NLGN1: variants seen among roughly 807,000 people sequenced by gnomAD.
The protein encoded by NLGN1 is neuroligin 1, also known as neuroligin-1.
In NLGN1, 12 loss-of-function variants were observed where a neutral mutation model predicts 65.5. The ratio of observed to expected loss-of-function variants is 0.18; its 90% CI spans 0.12 to 0.30. The LOEUF (loss-of-function observed/expected upper bound fraction) is 0.30. Among genes scored for constraint, NLGN1 ranks in the 10% least tolerant of loss-of-function variants. The pLI is 1.00. For synonymous variants in NLGN1, 350 were observed against 359.5 expected (o/e 0.97, Z 0.30); for missense variants, 750 against 1,007.1 (o/e 0.74, Z 3.46).
chr3:173,884,052 C>CT (rs567621411), intron 4 of NLGN1, among the ~76,000 whole-genome samples: 24 of 145,160 alleles, frequency 1.7e-4, no homozygotes, highest in South Asian at 8.7e-4. Context: ...TTCTTACTGA[C>CT]TTTTTTTTTT....
chr3:173,994,684 A>T (rs1298389924), intron 4 of NLGN1, among the ~76,000 whole-genome samples: 2 of 152,106 alleles, frequency 1.3e-5, no homozygotes, highest in Non-Finnish European at 2.9e-5. Context: ...ATTTCTCTCT[A>T]CTAGCGTCTA....
chr3:174,172,604 G>A (rs940007588), intron 4 of NLGN1, among the ~76,000 whole-genome samples: 22 of 151,912 alleles, frequency 1.4e-4, no homozygotes, highest in African/African-American at 4.8e-4. Context: ...TCTTGGCACC[G>A]CTGGCAAAAA....
At chr3:173,429,401 G>A (rs1716770938) in intron 1 of NLGN1, among the ~76,000 whole-genome samples, 1 of 152,074 alleles carries the variant, frequency 6.6e-6, no homozygotes, top group South Asian at 2.1e-4. Context: ...GATTTACTGT[G>A]TTATCTTGGA....
At chr3:173,469,532 G>A (rs534498035) in intron 2 of NLGN1, among the ~76,000 whole-genome samples, 3 of 151,930 alleles carry the variant, frequency 2.0e-5, no homozygotes, top group South Asian at 4.1e-4. Context: ...CAATCTTTAC[G>A]ATTCAGGAGA....
At position 174,174,486 on chromosome 3, in the gene NLGN1, T is replaced by TTTA. The variant is rs753083128; in HGVS notation, c.647-100814_647-100812dup. 4.2e-4 allele frequency among the ~76,000 whole-genome samples: 64 copies of TTTA among 152,016 alleles called. No homozygotes were observed. The East Asian group carries it at 0.012, about 28-fold the overall frequency. ...TCACCACATCCATGCCAACATCTATTTTATTATTATTATTATTTGATTATG... is the reference window on the plus strand; with the variant it reads ...TCACCACATCCATGCCAACATCTATTTTATTATTATTATTATTATTTGATTATG... On this transcript the variant is annotated intron_variant, in intron 4 of 6. Transcript: ENST00000457714.
intron 2 of NLGN1, among the ~76,000 whole-genome samples, chr3:173,459,412 A>G (rs1186890053): frequency 1.3e-5 from 2 of 152,134 alleles, no homozygotes; most frequent in African/African-American, 2.4e-5. Flanking sequence ...ATGCTTGGAA[A>G]GAATGACTGA....
At chr3:174,057,960 G>A (rs1009107471) in intron 4 of NLGN1, 1 of 152,086 alleles carries the variant, frequency 6.6e-6, no homozygotes, top group East Asian at 1.9e-4. Flanking sequence ...AATACAGAAG[G>A]AAGAATATAA....
intron 2 of NLGN1, among the ~76,000 whole-genome samples, chr3:173,543,275 AG>A (rs1476917332): frequency 6.6e-6 from 1 of 152,156 alleles, no homozygotes; most frequent in Non-Finnish European, 1.5e-5. Flanking sequence ...CTATTAGCAT[AG>A]CACTTAACAG....
chr3:173,713,578 G>A (rs80221159), intron 3 of NLGN1, among the ~76,000 whole-genome samples: 4,851 of 151,954 alleles, frequency 0.032, 124 homozygotes, highest in South Asian at 0.069. Flanking sequence ...ATTATAATAA[G>A]CCTATGTTCT....
intron 4 of NLGN1, among the ~76,000 whole-genome samples, chr3:173,857,564 T>C (rs1728240657): frequency 6.6e-6 from 1 of 151,878 alleles, no homozygotes; most frequent in Admixed American, 6.6e-5. Context: ...TTGAACAAAC[T>C]TTGAAAATCA....
intron 3 of NLGN1, among the ~76,000 whole-genome samples, chr3:173,765,840 A>G (rs573152452): frequency 7.9e-5 from 12 of 152,254 alleles, no homozygotes; most frequent in African/African-American, 2.6e-4. Context: ...GTTCTCATAC[A>G]TACTCATCTG....
At chr3:174,019,493 T>G (rs1727292307) in intron 4 of NLGN1, among the ~76,000 whole-genome samples, 1 of 152,134 alleles carries the variant, frequency 6.6e-6, no homozygotes, top group African/African-American at 2.4e-5. Flanking sequence ...GAAATCAATT[T>G]CTTTTCTTGA....
intron 1 of NLGN1, chr3:173,399,998 A>G (rs1717364510): frequency 6.6e-6 from 1 of 152,184 alleles, no homozygotes; most frequent in Non-Finnish European, 1.5e-5. Flanking sequence ...TACACAAAGG[A>G]GTTATTTCAC....
chr3:173,724,130 G>A (rs569083068), intron 3 of NLGN1, among the ~76,000 whole-genome samples: 1 of 152,322 alleles, frequency 6.6e-6, no homozygotes, highest in South Asian at 2.1e-4. Flanking sequence ...TGTGGAGTAG[G>A]TGACTAGAAA....
intron 2 of NLGN1, among the ~76,000 whole-genome samples, chr3:173,465,556 G>C (rs623616): frequency 0.1 from 15,551 of 152,140 alleles, 879 homozygotes; most frequent in Admixed American, 0.14. Flanking sequence ...ATGCCAAGTA[G>C]GTAGTTAGAA....
intron 4 of NLGN1, among the ~76,000 whole-genome samples, chr3:174,038,697 TA>T (rs1296004681): frequency 6.6e-6 from 1 of 152,130 alleles, no homozygotes; most frequent in Non-Finnish European, 1.5e-5. Context: ...TCCAAATAGG[TA>T]AAGTCAGCTT....
chr3:173,766,678 A>T (rs73880574), intron 3 of NLGN1, among the ~76,000 whole-genome samples: 1 of 152,202 alleles, frequency 6.6e-6, no homozygotes. Flanking sequence ...TCCGCATTGA[A>T]TTATCCTAAT....
Position 173,891,581 on chromosome 3 carries a change from G to A in NLGN1, c.646+83749G>A, listed in dbSNP as rs114933931. 2.2e-3 allele frequency among the ~76,000 whole-genome samples: 333 copies of A among 152,122 alleles called. 3 individuals are homozygous for A. Among genetic ancestry groups the A allele is most frequent in the African/African-American group, 7.7e-3 (321 of 41,484 alleles). ...TCCAAACCCATGTTTTCCTAGCTGA[G>A]CCATCCACAAACCTTAAACTGTGAG... On this transcript the variant is annotated intron_variant, in intron 4 of 6. Coordinates refer to ENST00000457714, the Ensembl canonical transcript of NLGN1.
chr3:173,809,888 T>C (rs1228092286), intron 4 of NLGN1, among the ~76,000 whole-genome samples: 1 of 152,186 alleles, frequency 6.6e-6, no homozygotes, highest in Non-Finnish European at 1.5e-5. Context: ...GTATTGATAT[T>C]ATCAAAGTAT....
Sources: allele counts gnomAD v4.1 joint callset (sites outside exome capture counted in the v4.1 genomes callset), GRCh38; gene constraint gnomAD v4.1.1; transcripts MANE v1.5; gene names NCBI Gene and HGNC (gene_info 2026-07-23, HGNC 2026-07-21).